The following SUGCT variants were observed in gnomAD, a reference collection of about 807,000 sequenced individuals.
SUGCT encodes the protein succinyl-CoA:glutarate-CoA transferase, also known as succinyl-CoA:glutarate CoA-transferase.
Under a neutral mutation model 55.0 loss-of-function variants are expected in SUGCT, and 41 were observed. That is an observed-to-expected ratio of 0.74 (90% CI 0.58 to 0.97). The LOEUF (loss-of-function observed/expected upper bound fraction) is 0.97, where lower values mean the gene tolerates loss of function less well. SUGCT is among the 50% of genes least tolerant of loss of function. The pLI is 0.00. For synonymous variants in SUGCT, 187 were observed against 200.4 expected (o/e 0.93, Z 0.56); for missense variants, 568 against 547.8 (o/e 1.04, Z -0.37).
At chr7:40,278,731 T>C (rs1037682989) in intron 8 of SUGCT, among the ~76,000 whole-genome samples, 2 of 152,026 alleles carry the variant, frequency 1.3e-5, no homozygotes, top group African/African-American at 4.8e-5. Flanking sequence ...TTTTCCTTTC[T>C]CCTCTATGCT....
chr7:40,381,027 T>C (rs1784841557), intron 9 of SUGCT, among the ~76,000 whole-genome samples: 1 of 152,170 alleles, frequency 6.6e-6, no homozygotes, highest in African/African-American at 2.4e-5. Flanking sequence ...ACTGAAATAA[T>C]ACCATCATTT....
chr7:40,518,016 G>A (rs986025894), intron 12 of SUGCT, among the ~76,000 whole-genome samples: 1 of 152,154 alleles, frequency 6.6e-6, no homozygotes, highest in Non-Finnish European at 1.5e-5. Flanking sequence ...GATTACAGAA[G>A]GGTAGCACAA....
At chr7:40,760,872 A>C (rs1053890896) in intron 13 of SUGCT, among the ~76,000 whole-genome samples, 1 of 152,220 alleles carries the variant, frequency 6.6e-6, no homozygotes, top group African/African-American at 2.4e-5. Context: ...ACTTATAATA[A>C]TTAAATAATA....
chr7:40,786,672 G>A (rs7808211), intron 13 of SUGCT, among the ~76,000 whole-genome samples: 52,536 of 151,904 alleles, frequency 0.35, 9,261 homozygotes, highest in South Asian at 0.47. Context: ...ATAAGCTGAG[G>A]TAAGTATACA....
At chr7:40,268,423 T>G (rs894951776) in intron 7 of SUGCT, among the ~76,000 whole-genome samples, 1 of 152,212 alleles carries the variant, frequency 6.6e-6, no homozygotes, top group Non-Finnish European at 1.5e-5. Flanking sequence ...ATTAGTAGAA[T>G]AGTTTGTTTC....
chr7:40,284,734 A>G (rs1259477931), intron 8 of SUGCT, among the ~76,000 whole-genome samples: 5 of 152,192 alleles, frequency 3.3e-5, no homozygotes, highest in African/African-American at 1.2e-4. Context: ...TCAATTAAAT[A>G]AAAAATCATC....
At chr7:40,856,207 T>G (rs562714896) in intron 13 of SUGCT, among the ~76,000 whole-genome samples, 72 of 152,240 alleles carry the variant, frequency 4.7e-4, no homozygotes, top group Non-Finnish European at 8.2e-4. Flanking sequence ...GTAAATTTGT[T>G]GGAAATATCC....
At chr7:40,573,276 G>A (rs1015567073) in intron 12 of SUGCT, among the ~76,000 whole-genome samples, 5 of 152,156 alleles carry the variant, frequency 3.3e-5, no homozygotes, top group Admixed American at 6.5e-5. Flanking sequence ...ATTTTCCAGA[G>A]GCCAGCTGTG....
chr7:40,333,049 A>C (rs73688032), intron 9 of SUGCT, among the ~76,000 whole-genome samples: 2,023 of 152,230 alleles, frequency 0.013, 35 homozygotes, highest in African/African-American at 0.044. Flanking sequence ...TAAAAGCATA[A>C]AAAAAGAATG....
At chr7:41,028,438 G>A in the SUGCT span, among the ~76,000 whole-genome samples, 3 of 152,176 alleles carry the variant, frequency 2.0e-5, no homozygotes, top group Non-Finnish European at 4.4e-5. Context: ...CTTAACAACT[G>A]GGGATCCATT....
intron 12 of SUGCT, among the ~76,000 whole-genome samples, chr7:40,537,383 A>G (rs1309695385): frequency 6.6e-6 from 1 of 152,202 alleles, no homozygotes; most frequent in Non-Finnish European, 1.5e-5. Context: ...TAAAAATTTT[A>G]GGGTAAAATT....
intron 12 of SUGCT, among the ~76,000 whole-genome samples, chr7:40,631,661 G>A (rs1255648817): frequency 6.6e-6 from 1 of 152,182 alleles, no homozygotes; most frequent in Non-Finnish European, 1.5e-5. Context: ...GCCTGCAGAT[G>A]TCCATGTCTC....
intron 12 of SUGCT, among the ~76,000 whole-genome samples, chr7:40,580,845 T>A (rs528188555): frequency 8.7e-4 from 133 of 152,178 alleles, no homozygotes; most frequent in Non-Finnish European, 1.5e-3. Flanking sequence ...CATGTATAGG[T>A]TTGTAGCCTA....
the SUGCT span, among the ~76,000 whole-genome samples, chr7:40,917,831 A>G: frequency 1.3e-5 from 2 of 152,156 alleles, no homozygotes; most frequent in Non-Finnish European, 2.9e-5. Context: ...TCACAAGGGC[A>G]CTAATCTTAG....
At chr7:40,446,880 C>T (rs1361321606) in intron 9 of SUGCT, among the ~76,000 whole-genome samples, 4 of 152,232 alleles carry the variant, frequency 2.6e-5, no homozygotes, top group East Asian at 1.9e-4. Flanking sequence ...ACTAGCCACA[C>T]GTGGCTATTG....
At chr7:40,600,138 C>T (rs1184300310) in intron 12 of SUGCT, among the ~76,000 whole-genome samples, 2 of 152,198 alleles carry the variant, frequency 1.3e-5, no homozygotes, top group Non-Finnish European at 2.9e-5. Context: ...CAGCCTCTTC[C>T]TGGATGTGTC....
chr7:40,325,772 C>T (rs1197572049), intron 9 of SUGCT, among the ~76,000 whole-genome samples: 1 of 152,174 alleles, frequency 6.6e-6, no homozygotes, highest in Non-Finnish European at 1.5e-5. Flanking sequence ...CACCATTGCA[C>T]TCCAGCCTGG....
At position 40,807,425 on chromosome 7, in the gene SUGCT, T is replaced by G. The variant is rs1300529905; in HGVS notation, c.1154-52891T>G. Reference sequence around the variant, plus strand: ...GAAGGGGGATGGGTAGAGAAGAGGTTTCCACAGCCCGTAGAGTCTGGAGGC... The same window carrying G: ...GAAGGGGGATGGGTAGAGAAGAGGTGTCCACAGCCCGTAGAGTCTGGAGGC... On this transcript the variant is annotated intron_variant, in intron 13 of 13. Transcript: ENST00000335693. 2.0e-5 allele frequency among the ~76,000 whole-genome samples: 3 copies of G among 152,048 alleles called. No homozygotes were observed. The East Asian group carries it at 5.8e-4, about 29-fold the overall frequency.
intron 12 of SUGCT, among the ~76,000 whole-genome samples, chr7:40,612,792 G>A (rs1181242001): frequency 6.6e-6 from 1 of 152,228 alleles, no homozygotes; most frequent in South Asian, 2.1e-4. Context: ...TATTAGAATT[G>A]TATTTGCATT....
Sources: allele counts gnomAD v4.1 joint callset (sites outside exome capture counted in the v4.1 genomes callset), GRCh38; gene constraint gnomAD v4.1.1; transcripts MANE v1.5; gene names NCBI Gene and HGNC (gene_info 2026-07-23, HGNC 2026-07-21).